ADAM2: variants seen among roughly 807,000 people sequenced by gnomAD.
The protein encoded by ADAM2 is disintegrin and metalloproteinase domain-containing protein 2.
In ADAM2, 101 loss-of-function variants were observed where a neutral mutation model predicts 99.3. The observed-to-expected ratio is 1.02, with a 90% CI of 0.87 to 1.20. The LOEUF (loss-of-function observed/expected upper bound fraction) is 1.20, where lower values mean the gene tolerates loss of function less well. Ranked by LOEUF, ADAM2 falls within the 50% of genes most tolerant of loss-of-function variation. The pLI, the probability that ADAM2 is intolerant of heterozygous loss-of-function variation, is 0.00. For missense variants in ADAM2, 948 were observed against 878.7 expected, an observed-to-expected ratio of 1.08 and a Z score of -1.00; for synonymous variants, 323 against 287.6, an observed-to-expected ratio of 1.12 and a Z score of -1.25.
At chr8:39,792,282 T>C (rs1803749440) in intron 7 of ADAM2, among the ~76,000 whole-genome samples, 1 of 152,008 alleles carries the variant, frequency 6.6e-6, no homozygotes, top group Non-Finnish European at 1.5e-5. Context: ...ACAATGGCTT[T>C]TATGAGGAAT....
intron 11 of ADAM2, among the ~76,000 whole-genome samples, 197 bp from the exon 12 acceptor site, chr8:39,769,772 TAA>T (rs1802707436): frequency 6.6e-6 from 1 of 152,144 alleles, no homozygotes; most frequent in African/African-American, 2.4e-5. Flanking sequence ...TACTAATCCA[TAA>T]AGTTTTATTG....
chr8:39,823,654 C>T (rs533965985), intron 4 of ADAM2, among the ~76,000 whole-genome samples: 1 of 152,032 alleles, frequency 6.6e-6, no homozygotes, highest in African/African-American at 2.4e-5. Flanking sequence ...GTGCCTCTGT[C>T]TTGGATTCTC....
At chr8:39,788,470 G>A (rs1803568397) in intron 8 of ADAM2, among the ~76,000 whole-genome samples, 199 bp downstream of exon 8, 1 of 151,648 alleles carries the variant, frequency 6.6e-6, no homozygotes, top group Admixed American at 6.6e-5. Flanking sequence ...CATACCCCAT[G>A]CTTTATATAA....
intron 6 of ADAM2, chr8:39,817,852 T>A (rs1805018681): frequency 6.6e-6 from 1 of 151,682 alleles, no homozygotes; most frequent in Admixed American, 6.6e-5. Flanking sequence ...AAGAAATAAA[T>A]AGATAAAATA....
intron 7 of ADAM2, among the ~76,000 whole-genome samples, chr8:39,789,913 A>G (rs554170031): frequency 6.6e-6 from 1 of 151,976 alleles, no homozygotes; most frequent in East Asian, 1.9e-4. Context: ...AAGATATGCA[A>G]ATAACTAGTA....
chr8:39,766,201 C>T (rs1316900497), intron 14 of ADAM2, among the ~76,000 whole-genome samples: 1 of 152,022 alleles, frequency 6.6e-6, no homozygotes, highest in Non-Finnish European at 1.5e-5. Context: ...CTTATAATTA[C>T]TTTAATGTCT....
At chr8:39,765,890 C>T (rs1194363742) in intron 14 of ADAM2, among the ~76,000 whole-genome samples, 1 of 150,770 alleles carries the variant, frequency 6.6e-6, no homozygotes, top group Non-Finnish European at 1.5e-5. Flanking sequence ...TAAAGGTGAC[C>T]ACCTATCTGT....
rs747084707 is a variant in ADAM2, at chr8:39,809,414, T to G, written c.566A>C (p.Gln189Pro). ...AATAAATCAGAATATACTTACCAAT[T>G]GTTTTTCAACTATAACATGCATTTC... ...YIEMHVIVEK[Q>P]LYNHMGSDTT... Residue 189 changes from glutamine (Q) to proline (P), a missense_variant, in exon 7 of 21, where the codon CAA (glutamine) becomes CCA (proline). Coordinates refer to ENST00000265708, the MANE Select transcript of ADAM2 (RefSeq NM_001464.5). 5.4e-6 allele frequency: 7 copies of G among 1,286,314 alleles called. No homozygotes were observed. In the South Asian group the frequency reaches 7.6e-5, roughly 14 times the overall value. The allele number at this position is 1,286,314 out of a possible 1,614,324, so 79.7% of individuals were successfully genotyped here.
chr8:39,824,352 T>A (rs1451127975), intron 4 of ADAM2, among the ~76,000 whole-genome samples: 8 of 151,866 alleles, frequency 5.3e-5, no homozygotes, highest in African/African-American at 1.7e-4. Context: ...TATTATTTTT[T>A]AAAAAAATTA....
In ADAM2 at chr8:39,798,688, A is replaced by G. The variant is rs146635305; in HGVS notation, c.571-9948T>C. ...TGGTCCTGGGCTTTTTTTGGTTGTC[A>G]GGCTATTAACTACTGCCTCAATTTC... On this transcript the variant is annotated intron_variant, in intron 7 of 20. Transcript: ENST00000265708. 4.4e-4 allele frequency among the ~76,000 whole-genome samples: 67 copies of G among 151,346 alleles called. No homozygotes were observed. In the East Asian group the frequency reaches 8.2e-3, roughly 19 times the overall value.
At chr8:39,801,662 C>A (rs1024571398) in intron 7 of ADAM2, among the ~76,000 whole-genome samples, 1 of 151,986 alleles carries the variant, frequency 6.6e-6, no homozygotes, top group Non-Finnish European at 1.5e-5. Flanking sequence ...CGCCCCTCCC[C>A]CTGGGGGCTC....
chr8:39,806,172 T>C lies in ADAM2; in HGVS notation c.570+3238A>G, dbSNP rs965640734. 2.0e-5 allele frequency among the ~76,000 whole-genome samples: 3 copies of C among 152,128 alleles called. No individual in the cohort carries two copies. In the East Asian group the frequency reaches 5.8e-4, roughly 29 times the overall value. On this transcript the variant is annotated intron_variant, in intron 7 of 20. Transcript: ENST00000265708. ...GAGTGGAAGCCTTATTTTCGCAAGT[T>C]GTTGGAACATAGACTCTGACCAGTC...
intron 14 of ADAM2, among the ~76,000 whole-genome samples, chr8:39,762,102 A>C (rs1802393435): frequency 1.3e-5 from 2 of 152,202 alleles, no homozygotes; most frequent in African/African-American, 4.8e-5. Context: ...AAGAAAAAAA[A>C]GCTTCAACCT....
rs1801948094 is a variant in ADAM2, at chr8:39,751,588, C to T, written c.1798-1844G>A. Among the ~76,000 whole-genome samples the T allele has an allele frequency of 2.6e-5, 4 of 151,980 alleles. No individual in the cohort carries two copies. In the South Asian group the frequency reaches 8.3e-4, roughly 32 times the overall value. Reference sequence around the variant, plus strand: ...TGCAGGAAGCTTTGCTAGGGAAAAGCAGCATCCAAATAAAGAAGCTAGCTA... The same window carrying T: ...TGCAGGAAGCTTTGCTAGGGAAAAGTAGCATCCAAATAAAGAAGCTAGCTA... On this transcript the variant is annotated intron_variant, in intron 16 of 20. Coordinates refer to ENST00000265708, the MANE Select transcript of ADAM2 (RefSeq NM_001464.5).
chr8:39,810,822 A>G (rs1804663047), intron 6 of ADAM2, among the ~76,000 whole-genome samples: 1 of 152,220 alleles, frequency 6.6e-6, no homozygotes, highest in Non-Finnish European at 1.5e-5. Flanking sequence ...AATGCCCACA[A>G]GAGAAAGCAG....
chr8:39,812,475 C>G (rs1804746229), intron 6 of ADAM2, among the ~76,000 whole-genome samples: 3 of 152,150 alleles, frequency 2.0e-5, no homozygotes, highest in Admixed American at 1.3e-4. Flanking sequence ...CAAGACAATC[C>G]TAAGCCAAAA....
At chr8:39,817,904 A>G (rs1805020076) in intron 6 of ADAM2, 1 of 151,902 alleles carries the variant, frequency 6.6e-6, no homozygotes, top group Admixed American at 6.6e-5. Flanking sequence ...AATTGACTCC[A>G]AAAGAAATTA....
chr8:39,760,526 C>T (rs1347602882), intron 15 of ADAM2, among the ~76,000 whole-genome samples: 1 of 152,006 alleles, frequency 6.6e-6, no homozygotes, highest in Non-Finnish European at 1.5e-5. Flanking sequence ...TCAAGACCAT[C>T]CTGGCTAACA....
intron 9 of ADAM2, among the ~76,000 whole-genome samples, chr8:39,787,347 T>A (rs1803507224): frequency 1.3e-5 from 2 of 150,776 alleles, no homozygotes; most frequent in Admixed American, 1.3e-4. Context: ...TAAAAATAAA[T>A]AAAATTCCTT....
Sources: gnomAD v4.1 joint callset for allele counts (sites outside exome capture counted in the v4.1 genomes callset) on GRCh38, gnomAD v4.1.1 for gene constraint, MANE v1.5 for transcripts, NCBI Gene and HGNC (gene_info 2026-07-23, HGNC 2026-07-21) for gene names.